Variants in CADM2 observed in about 807,000 individuals in gnomAD.
CADM2 encodes the protein cell adhesion molecule 2.
Under a neutral mutation model 49.8 loss-of-function variants are expected in CADM2, and 12 were observed. The observed-to-expected ratio is 0.24, with a 90% CI of 0.15 to 0.39. The LOEUF (loss-of-function observed/expected upper bound fraction) is 0.39, where lower values mean the gene tolerates loss of function less well. CADM2 is among the 10% of genes least tolerant of loss of function. The pLI is 1.00. For missense variants in CADM2, 378 were observed against 492.3 expected (o/e 0.77, Z 2.20); for synonymous variants, 214 against 175.4 (o/e 1.22, Z -1.74).
chr3:85,834,739 GA>G (rs61595691), intron 3 of CADM2, among the ~76,000 whole-genome samples: 2,967 of 140,316 alleles, frequency 0.021, 36 homozygotes, highest in Middle Eastern at 0.048. Context: ...TCTTCTTGGG[GA>G]AAAAAAAAAA....
At chr3:85,994,484 C>A (rs1729134357) in intron 8 of CADM2, 1 of 152,190 alleles carries the variant, frequency 6.6e-6, no homozygotes, top group Non-Finnish European at 1.5e-5. Flanking sequence ...ACCGGAGTAG[C>A]ACTTTTCATC....
chr3:85,371,689 A>G lies in CADM2; in HGVS notation c.62-354833A>G, dbSNP rs971963150. 3.8e-3 allele frequency among the ~76,000 whole-genome samples: 512 copies of G among 134,772 alleles called. 20 individuals are homozygous for G. Among genetic ancestry groups the G allele is most frequent in the Non-Finnish European group, 4.0e-3 (257 of 64,062 alleles). The allele number at this position is 134,772 out of a possible 152,430, so 88.4% of individuals were successfully genotyped here. The stretch of plus-strand genomic sequence containing the variant: ...TGTGTGTGTGTGTGTATATATATAT[A>G]TATATATATATATATATATATATAT... On this transcript the variant is annotated intron_variant, in intron 1 of 9. Transcript: ENST00000383699.
intron 4 of CADM2, among the ~76,000 whole-genome samples, chr3:85,884,536 A>G (rs1283562245): frequency 6.6e-6 from 1 of 152,192 alleles, no homozygotes; most frequent in Non-Finnish European, 1.5e-5. Context: ...TTTGAAATCC[A>G]AAGAATAGAT....
At chr3:85,724,122 A>G (rs73845628) in intron 1 of CADM2, among the ~76,000 whole-genome samples, 2,177 of 152,142 alleles carry the variant, frequency 0.014, 59 homozygotes, top group African/African-American at 0.05. Flanking sequence ...ATCCAATTAA[A>G]ACAAATAGTA....
At chr3:85,541,772 ATTT>A (rs1207674355) in intron 1 of CADM2, among the ~76,000 whole-genome samples, 31 of 7,432 alleles carry the variant, frequency 4.2e-3, no homozygotes, top group East Asian at 0.045. Context: ...TATATTTTAT[ATTT>A]TATATATATA....
At chr3:85,823,287 G>A (rs371453576) in intron 3 of CADM2, among the ~76,000 whole-genome samples, 138 of 152,148 alleles carry the variant, frequency 9.1e-4, no homozygotes, top group African/African-American at 2.9e-3. Context: ...TTACGAAATA[G>A]CTAAGAACCC....
At chr3:85,034,230 C>G (rs541089140) in intron 1 of CADM2, among the ~76,000 whole-genome samples, 1 of 152,206 alleles carries the variant, frequency 6.6e-6, no homozygotes, top group South Asian at 2.1e-4. Context: ...TTCATTCTAT[C>G]TAACTATATT....
At chr3:85,456,953 T>G (rs1033619354) in intron 1 of CADM2, among the ~76,000 whole-genome samples, 3 of 151,938 alleles carry the variant, frequency 2.0e-5, no homozygotes, top group Non-Finnish European at 4.4e-5. Flanking sequence ...GATAAAGTAG[T>G]ATAGAGGTAA....
intron 8 of CADM2, among the ~76,000 whole-genome samples, chr3:86,017,464 G>A (rs1411628290): frequency 3.3e-5 from 5 of 151,910 alleles, no homozygotes; most frequent in Non-Finnish European, 4.4e-5. Flanking sequence ...GGTCATGGTG[G>A]CACATGCCTG....
At chr3:85,013,609 C>T (rs565243173) in intron 1 of CADM2, among the ~76,000 whole-genome samples, 37 of 151,356 alleles carry the variant, frequency 2.4e-4, no homozygotes, top group African/African-American at 8.5e-4. Context: ...CTAACAAAAT[C>T]CTTTAAAGAT....
chr3:85,338,485 A>AT (rs2045151219), intron 1 of CADM2, among the ~76,000 whole-genome samples: 1 of 151,546 alleles, frequency 6.6e-6, no homozygotes, highest in African/African-American at 2.4e-5. Flanking sequence ...AATAAAAATA[A>AT]TTACCATTAT....
intron 1 of CADM2, among the ~76,000 whole-genome samples, chr3:85,307,143 A>G (rs566102513): frequency 6.6e-6 from 1 of 151,766 alleles, no homozygotes; most frequent in South Asian, 2.1e-4. Context: ...AAATGTATAT[A>G]TTAATTTACG....
chr3:86,003,048 GT>G (rs1428995687), intron 8 of CADM2, among the ~76,000 whole-genome samples: 1 of 152,198 alleles, frequency 6.6e-6, no homozygotes, highest in African/African-American at 2.4e-5. Context: ...GGAGGAGGTT[GT>G]TCATGTTTAG....
intron 1 of CADM2, among the ~76,000 whole-genome samples, chr3:85,447,516 A>T (rs1576572846): frequency 6.6e-6 from 1 of 152,298 alleles, no homozygotes; most frequent in African/African-American, 2.4e-5. Context: ...TGTAGTCTAC[A>T]GGAAGAATGA....
intron 6 of CADM2, among the ~76,000 whole-genome samples, chr3:85,922,324 T>C (rs753500581): frequency 3.3e-5 from 5 of 152,080 alleles, no homozygotes; most frequent in Non-Finnish European, 5.9e-5. Flanking sequence ...AATCAGTATA[T>C]TAAACTTTAT....
At chr3:85,207,254 T>C (rs1445785231) in intron 1 of CADM2, among the ~76,000 whole-genome samples, 1 of 152,182 alleles carries the variant, frequency 6.6e-6, no homozygotes, top group East Asian at 1.9e-4. Context: ...CTCAAAGATA[T>C]TGATCTAAGC....
intron 1 of CADM2, among the ~76,000 whole-genome samples, chr3:85,024,138 C>T (rs1286501634): frequency 6.6e-6 from 1 of 151,988 alleles, no homozygotes; most frequent in Admixed American, 6.6e-5. Flanking sequence ...AGGAGTGAAA[C>T]ATGTTTTTGC....
At chr3:85,838,920 T>A (rs950344231) in intron 3 of CADM2, among the ~76,000 whole-genome samples, 3 of 151,868 alleles carry the variant, frequency 2.0e-5, no homozygotes, top group African/African-American at 7.2e-5. Flanking sequence ...AGCCTCTTAC[T>A]GCAAATTCAC....
At chr3:85,770,078 C>A (rs909938466) in intron 2 of CADM2, among the ~76,000 whole-genome samples, 1 of 152,040 alleles carries the variant, frequency 6.6e-6, no homozygotes, top group Non-Finnish European at 1.5e-5. Context: ...AACCTGATTC[C>A]TCAGACAACT....
Sources: allele counts gnomAD v4.1 joint callset (sites outside exome capture counted in the v4.1 genomes callset), GRCh38; gene constraint gnomAD v4.1.1; transcripts MANE v1.5; gene names NCBI Gene and HGNC (gene_info 2026-07-23, HGNC 2026-07-21).